EBF1: variants seen among roughly 807,000 people sequenced by gnomAD.
The protein encoded by EBF1 is transcription factor COE1.
Under a neutral mutation model 68.4 loss-of-function variants are expected in EBF1, and 10 were observed. The ratio of observed to expected loss-of-function variants is 0.15; its 90% confidence interval spans 0.09 to 0.25. EBF1 has a LOEUF of 0.25. Ranked by LOEUF, EBF1 falls within the 10% of genes least tolerant of loss-of-function variation. EBF1 has a pLI of 1.00. For missense variants in EBF1, 509 were observed against 794.4 expected (o/e 0.64, Z 4.32); for synonymous variants, 298 against 299.8 (o/e 0.99, Z 0.06).
chr5:158,710,899 A>AGCGG (rs1449469727), intron 14 of EBF1, among the ~76,000 whole-genome samples: 1 of 152,222 alleles, frequency 6.6e-6, no homozygotes, highest in Non-Finnish European at 1.5e-5. Context: ...TACACATCAG[A>AGCGG]AGAGTCACTC....
At chr5:158,862,718 G>A (rs1795178278) in intron 6 of EBF1, among the ~76,000 whole-genome samples, 1 of 152,134 alleles carries the variant, frequency 6.6e-6, no homozygotes, top group Non-Finnish European at 1.5e-5. Context: ...AAGTCTGAAT[G>A]AAGTTATATC....
intron 6 of EBF1, among the ~76,000 whole-genome samples, chr5:158,911,581 T>C (rs920043420): frequency 2.0e-5 from 3 of 152,044 alleles, no homozygotes; most frequent in African/African-American, 7.2e-5. Context: ...CCATTACCAC[T>C]GCAAACAGAC....
intron 10 of EBF1, among the ~76,000 whole-genome samples, chr5:158,775,834 A>C (rs1489426003): frequency 2.0e-5 from 3 of 148,292 alleles, no homozygotes; most frequent in Non-Finnish European, 4.5e-5. Context: ...ACACACTGCT[A>C]TGTGGAAGTT....
intron 6 of EBF1, among the ~76,000 whole-genome samples, chr5:158,964,530 T>C (rs1210622093): frequency 6.6e-6 from 1 of 152,002 alleles, no homozygotes; most frequent in Non-Finnish European, 1.5e-5. Flanking sequence ...AGAACAAACA[T>C]GGGAGCTGGT....
chr5:158,953,699 C>T (rs575225963), intron 6 of EBF1, among the ~76,000 whole-genome samples: 1 of 152,164 alleles, frequency 6.6e-6, no homozygotes, highest in African/African-American at 2.4e-5. Flanking sequence ...AGGAGAGGTG[C>T]ATGAAAGCTT....
At chr5:158,765,951 C>T (rs1772563195) in intron 10 of EBF1, among the ~76,000 whole-genome samples, 1 of 152,148 alleles carries the variant, frequency 6.6e-6, no homozygotes, top group South Asian at 2.1e-4. Flanking sequence ...TATATATGGG[C>T]AGATCCCCTG....
At chr5:159,067,040 G>A (rs916119558) in intron 6 of EBF1, among the ~76,000 whole-genome samples, 3 of 152,120 alleles carry the variant, frequency 2.0e-5, no homozygotes, top group African/African-American at 7.2e-5. Flanking sequence ...CCACTAAATG[G>A]AGTTTTTTAA....
chr5:158,908,817 G>C (rs943520407), intron 6 of EBF1, among the ~76,000 whole-genome samples: 4 of 152,214 alleles, frequency 2.6e-5, no homozygotes, highest in Non-Finnish European at 5.9e-5. Flanking sequence ...GAACCAGGAC[G>C]GGTTGGCTCT....
chr5:159,094,018 T>TTC (rs1782095057), intron 4 of EBF1, among the ~76,000 whole-genome samples: 1 of 148,006 alleles, frequency 6.8e-6, no homozygotes. Flanking sequence ...TTTTTTTTTT[T>TTC]CCTGTAATGA....
intron 6 of EBF1, among the ~76,000 whole-genome samples, chr5:158,890,121 GGTT>G (rs1344324373): frequency 3.9e-5 from 6 of 152,110 alleles, no homozygotes; most frequent in Admixed American, 3.9e-4. Flanking sequence ...TAATCCCCTA[GGTT>G]GTTGTGAGAA....
At chr5:158,887,126 T>C (rs1800214463) in intron 6 of EBF1, among the ~76,000 whole-genome samples, 1 of 152,160 alleles carries the variant, frequency 6.6e-6, no homozygotes, top group Non-Finnish European at 1.5e-5. Flanking sequence ...CAAAAACAAA[T>C]TGGTACTTAA....
intron 6 of EBF1, among the ~76,000 whole-genome samples, chr5:158,963,397 A>G (rs1254564714): frequency 6.6e-6 from 1 of 152,250 alleles, no homozygotes; most frequent in Non-Finnish European, 1.5e-5. Context: ...GGATGACAGT[A>G]AGAACATCTT....
At position 158,843,926 on chromosome 5, in the gene EBF1, T is replaced by A. The variant is rs573621654; in HGVS notation, c.555-3816A>T. Among the ~76,000 whole-genome samples the A allele has an allele frequency of 1.2e-4, 18 of 152,294 alleles. No individual in the cohort carries two copies. In the East Asian group the frequency reaches 3.5e-3, roughly 29 times the overall value. ...CACGTCTGCTGGCCTACGGAGAAGA[T>A]CTCAGATTCCGAGGGGGCTTTTAAC... On this transcript the variant is annotated intron_variant, in intron 6 of 15. Transcript: ENST00000313708.
At chr5:158,984,841 G>C (rs376960930) in intron 6 of EBF1, 13 of 151,554 alleles carry the variant, frequency 8.6e-5, no homozygotes, top group African/African-American at 2.7e-4. Flanking sequence ...GTGCCACCAC[G>C]CCCGGCTAAT....
rs574867896 is a variant in EBF1, at chr5:158,712,311, G to T, written c.1392C>A (p.Ser464Arg). ...TNQGFTRNSSSVSPHGYVPST... is the reference protein window; with the variant it reads ...TNQGFTRNSSRVSPHGYVPST... ...TCGGCACGTACCCGTGTGGTGATAC[G>T]CTGCTTGAGTTGCGGGTGAAACCTG... Residue 464 changes from serine to arginine, a missense_variant, in exon 14 of 16, where the codon AGC (serine) becomes AGA (arginine). Transcript: ENST00000313708. 253 of 1,614,006 alleles carry T rather than the reference G, an allele frequency of 1.6e-4. 3 individuals are homozygous for T. The South Asian group carries it at 2.6e-3, about 17-fold the overall frequency.
Position 159,068,980 on chromosome 5 carries a change from T to TG in EBF1, c.554+4415dup, listed in dbSNP as rs1777339358. ...ACATAGATACAGGAATTCTTAAAAA[T>TG]GGGGGAAAAAGGCATGGTAATTCTG... On this transcript the variant is annotated intron_variant, in intron 6 of 15. Transcript: ENST00000313708. Among the ~76,000 whole-genome samples the TG allele has an allele frequency of 4.6e-5, 7 of 152,066 alleles. No individual in the cohort carries two copies. In the South Asian group the frequency reaches 1.5e-3, roughly 32 times the overall value.
chr5:158,724,129 T>C (rs1304616840), intron 11 of EBF1, among the ~76,000 whole-genome samples: 1 of 152,140 alleles, frequency 6.6e-6, no homozygotes, highest in Non-Finnish European at 1.5e-5. Context: ...ATGGACAGCA[T>C]TCCATAGCTT....
chr5:159,079,243 G>A (rs1170404556), intron 5 of EBF1, among the ~76,000 whole-genome samples: 1 of 152,042 alleles, frequency 6.6e-6, no homozygotes, highest in Non-Finnish European at 1.5e-5. Flanking sequence ...GCCTTACCTG[G>A]GACCAGCCCC....
chr5:159,077,114 G>A (rs1361753743), intron 5 of EBF1, among the ~76,000 whole-genome samples: 1 of 152,200 alleles, frequency 6.6e-6, no homozygotes, highest in Admixed American at 6.5e-5. Flanking sequence ...CTTCATTCAA[G>A]TCTCTGCATA....
Sources: allele counts gnomAD v4.1 joint callset (sites outside exome capture counted in the v4.1 genomes callset), GRCh38; gene constraint gnomAD v4.1.1; transcripts MANE v1.5; gene names NCBI Gene and HGNC (gene_info 2026-07-23, HGNC 2026-07-21).